EPHA6: variants seen among roughly 807,000 people sequenced by gnomAD.
The protein encoded by EPHA6 is ephrin type-A receptor 6.
EPHA6 carries 50 observed loss-of-function variants against 112.0 expected under a neutral mutation model. That is an observed-to-expected ratio of 0.45 (90% CI 0.36 to 0.56). The LOEUF (loss-of-function observed/expected upper bound fraction) is 0.56. Among genes scored for constraint, EPHA6 ranks in the 20% least tolerant of loss-of-function variants. The probability of loss-of-function intolerance (pLI) is 0.00; values close to 1 mark genes in which losing one functional copy is unlikely to be tolerated. For missense variants in EPHA6, 1,280 were observed against 1,417.4 expected, an observed-to-expected ratio of 0.90 and a Z score of 1.56; for synonymous variants, 529 against 490.7, an observed-to-expected ratio of 1.08 and a Z score of -1.03.
At chr3:97,620,229 A>C (rs1348565531) in intron 13 of EPHA6, among the ~76,000 whole-genome samples, 2 of 152,130 alleles carry the variant, frequency 1.3e-5, no homozygotes, top group African/African-American at 2.4e-5. Context: ...AGAAAATTGA[A>C]ACTGGACCCT....
At chr3:97,077,938 T>G (rs2046589202) in intron 3 of EPHA6, among the ~76,000 whole-genome samples, 1 of 152,220 alleles carries the variant, frequency 6.6e-6, no homozygotes, top group Non-Finnish European at 1.5e-5. Context: ...CAAATGGTAT[T>G]TCTACCTCTA....
intron 3 of EPHA6, among the ~76,000 whole-genome samples, chr3:97,211,108 G>T (rs1426287302): frequency 6.6e-6 from 1 of 152,158 alleles, no homozygotes; most frequent in Non-Finnish European, 1.5e-5. Flanking sequence ...TTCTACTATA[G>T]TCACAAGCAC....
intron 3 of EPHA6, among the ~76,000 whole-genome samples, chr3:97,208,909 G>A (rs1314785876): frequency 2.0e-5 from 3 of 152,222 alleles, no homozygotes; most frequent in African/African-American, 4.8e-5. Context: ...AGATGGATTC[G>A]ATTAAAAAGC....
chr3:97,215,896 G>C (rs1203755354), intron 3 of EPHA6, among the ~76,000 whole-genome samples: 1 of 152,062 alleles, frequency 6.6e-6, no homozygotes, highest in Non-Finnish European at 1.5e-5. Context: ...AAAGCTTTTT[G>C]TTAAACATAG....
At chr3:97,054,532 CAAAA>C (rs200236445) in intron 3 of EPHA6, among the ~76,000 whole-genome samples, 2 of 151,688 alleles carry the variant, frequency 1.3e-5, no homozygotes, top group Non-Finnish European at 2.9e-5. Flanking sequence ...TAAAATATGA[CAAAA>C]AAATCACTAA....
chr3:96,907,952 G>A (rs2039020883), intron 2 of EPHA6, among the ~76,000 whole-genome samples: 1 of 151,932 alleles, frequency 6.6e-6, no homozygotes, highest in African/African-American at 2.4e-5. Flanking sequence ...TTTTGTTATT[G>A]TGCGAAGACC....
At chr3:96,928,703 A>G (rs974820930) in intron 2 of EPHA6, among the ~76,000 whole-genome samples, 1 of 152,026 alleles carries the variant, frequency 6.6e-6, no homozygotes, top group African/African-American at 2.4e-5. Flanking sequence ...GACTTGTTTA[A>G]TATTGTCAGT....
At chr3:96,990,802 A>G (rs1348718134) in intron 3 of EPHA6, among the ~76,000 whole-genome samples, 2 of 152,040 alleles carry the variant, frequency 1.3e-5, no homozygotes, top group Non-Finnish European at 2.9e-5. Context: ...ATTGCCATCT[A>G]TTCATAACTT....
chr3:97,138,089 C>T (rs896752092), intron 3 of EPHA6, among the ~76,000 whole-genome samples: 1 of 152,252 alleles, frequency 6.6e-6, no homozygotes, highest in African/African-American at 2.4e-5. Context: ...GACACCAGGA[C>T]CATTCTCTGG....
chr3:97,333,386 C>T (rs1283437186), intron 5 of EPHA6, among the ~76,000 whole-genome samples: 2 of 149,962 alleles, frequency 1.3e-5, no homozygotes, highest in African/African-American at 2.5e-5. Flanking sequence ...TTGTATATCC[C>T]TTGAGGTTTT....
chr3:97,556,231 G>A (rs533358493), intron 11 of EPHA6, among the ~76,000 whole-genome samples: 2 of 152,030 alleles, frequency 1.3e-5, no homozygotes, highest in South Asian at 4.1e-4. Flanking sequence ...ATCAATCCTG[G>A]TGCTTCCTCG....
At chr3:96,829,032 A>G (rs1006280789) in intron 1 of EPHA6, among the ~76,000 whole-genome samples, 3 of 152,102 alleles carry the variant, frequency 2.0e-5, no homozygotes, top group African/African-American at 7.2e-5. Context: ...CCAGACTCAT[A>G]TTTATTGACT....
At chr3:97,640,723 T>G (rs2093995659) in intron 14 of EPHA6, among the ~76,000 whole-genome samples, 1 of 151,936 alleles carries the variant, frequency 6.6e-6, no homozygotes, top group Non-Finnish European at 1.5e-5. Context: ...GAGGTTGCGA[T>G]GAACTGAGAT....
At chr3:97,018,615 T>A (rs1194330633) in intron 3 of EPHA6, among the ~76,000 whole-genome samples, 1 of 152,182 alleles carries the variant, frequency 6.6e-6, no homozygotes, top group Non-Finnish European at 1.5e-5. Context: ...GTACTTTCAC[T>A]AATTTGCTAC....
chr3:97,452,427 T>G (rs538366685), intron 7 of EPHA6, among the ~76,000 whole-genome samples: 11 of 151,910 alleles, frequency 7.2e-5, no homozygotes, highest in African/African-American at 2.6e-4. Flanking sequence ...GAAAATTATT[T>G]CCTTGTATTT....
At chr3:97,393,856 A>T (rs2086555526) in intron 5 of EPHA6, among the ~76,000 whole-genome samples, 1 of 151,702 alleles carries the variant, frequency 6.6e-6, no homozygotes, top group African/African-American at 2.4e-5. Context: ...GGTTTATATC[A>T]CTTAACATAA....
intron 3 of EPHA6, among the ~76,000 whole-genome samples, chr3:97,067,316 G>C (rs1023039126): frequency 9.2e-5 from 14 of 152,160 alleles, no homozygotes; most frequent in Non-Finnish European, 1.9e-4. Flanking sequence ...GTAGTACACA[G>C]GTGAGTAAAA....
In EPHA6 at chr3:97,157,159, TA is replaced by T. The variant is rs201711457; in HGVS notation, c.1115-69104del. ...GTGTTTTCATGAAGTGCTTCAATCT[TA>T]GTAAGTTTAACTTTATTTTGTCACA... On this transcript the variant is annotated intron_variant, in intron 3 of 17. Transcript: ENST00000389672. Among the ~76,000 whole-genome samples the T allele has an allele frequency of 1.1e-3, 161 of 152,302 alleles. 1 individual carries two copies. The East Asian group carries it at 0.026, about 25-fold the overall frequency.
rs2075697291 is a variant in EPHA6, at chr3:97,133,763, T to C, written c.1115-92501T>C. On this transcript the variant is annotated intron_variant, in intron 3 of 17. Coordinates refer to ENST00000389672, the MANE Select transcript of EPHA6 (RefSeq NM_001080448.3). ...TAATTGATATGTTAACAGTACAAAA[T>C]GATGAGAATATCATATGAATCCCTA... 2.6e-5 allele frequency among the ~76,000 whole-genome samples: 4 copies of C among 152,022 alleles called. No individual in the cohort carries two copies. The South Asian group carries it at 8.3e-4, about 31-fold the overall frequency.
Sources: allele counts gnomAD v4.1 joint callset (sites outside exome capture counted in the v4.1 genomes callset), GRCh38; gene constraint gnomAD v4.1.1; transcripts MANE v1.5; gene names NCBI Gene and HGNC (gene_info 2026-07-23, HGNC 2026-07-21).